Variants in SNX29 observed in about 807,000 individuals in gnomAD.
The protein encoded by SNX29 is sorting nexin-29.
A neutral mutation model predicts 102.1 loss-of-function variants in SNX29; 78 were observed. That is an observed-to-expected ratio of 0.76 (90% CI 0.64 to 0.92). The LOEUF is 0.92. SNX29 is among the 40% of genes least tolerant of loss of function. SNX29 has a pLI of 0.00. For synonymous variants in SNX29, 580 were observed against 414.5 expected, an observed-to-expected ratio of 1.40 and a Z score of -4.85; for missense variants, 1,280 against 1,061.7, an observed-to-expected ratio of 1.21 and a Z score of -2.86.
chr16:12,564,628 AAC>A (rs1470547103), intron 20 of SNX29, among the ~76,000 whole-genome samples: 4 of 150,950 alleles, frequency 2.6e-5, no homozygotes, highest in African/African-American at 5.0e-5. Flanking sequence ...TCCCAGCATT[AAC>A]AGAGTCCCTG....
intron 11 of SNX29, among the ~76,000 whole-genome samples, chr16:12,108,112 G>T (rs533115347): frequency 1.2e-4 from 18 of 152,292 alleles, no homozygotes; most frequent in African/African-American, 4.1e-4. Flanking sequence ...TATGCTACCC[G>T]AGCTGAGATG....
At position 12,568,902 on chromosome 16, in the gene SNX29, TG is replaced by T; in HGVS notation, c.*274del. 4 of 486,782 alleles carry T rather than the reference TG, an allele frequency of 8.2e-6. No homozygotes were observed. Among genetic ancestry groups the T allele is most frequent in the Non-Finnish European group, 1.1e-5 (3 of 278,382 alleles). 30.2% of individuals were successfully genotyped at this position (486,782 alleles called of 1,614,324 possible). ...GGGGTCTACCCTGGGCTGCAAGGGC[TG>T]TTCCTCCACCTTTCTGTAGTTCAGG... is the stretch of plus-strand genomic sequence containing the variant. On this transcript the variant is annotated 3_prime_UTR_variant, in exon 21 of 21. Coordinates refer to ENST00000566228, the MANE Select transcript of SNX29 (RefSeq NM_032167.5).
At chr16:12,307,360 T>G (rs932255330) in intron 15 of SNX29, among the ~76,000 whole-genome samples, 1 of 152,158 alleles carries the variant, frequency 6.6e-6, no homozygotes, top group East Asian at 1.9e-4. Context: ...CAGAGAGAAC[T>G]GTATCCTCCA....
At chr16:12,301,602 C>T (rs1166835894) in intron 15 of SNX29, among the ~76,000 whole-genome samples, 1 of 152,194 alleles carries the variant, frequency 6.6e-6, no homozygotes, top group Non-Finnish European at 1.5e-5. Flanking sequence ...ATCAGGATCC[C>T]CAGTCTTCTC....
intron 19 of SNX29, among the ~76,000 whole-genome samples, chr16:12,485,128 G>A (rs547604431): frequency 1.3e-5 from 2 of 152,220 alleles, no homozygotes; most frequent in African/African-American, 4.8e-5. Context: ...AAGGTGACTC[G>A]GGAGGTTGTT....
In SNX29 at chr16:12,571,758, T is replaced by C; in HGVS notation, c.*3129T>C. ...GAAACCTAGCCCAACCATCCACTCC[T>C]GATCTGAGACAGAACCTTCTCCGCC... On this transcript the variant is annotated 3_prime_UTR_variant, in exon 21 of 21. Coordinates refer to ENST00000566228, the MANE Select transcript of SNX29 (RefSeq NM_032167.5). The C allele has an allele frequency of 2.0e-6, 2 of 1,014,588 alleles. No homozygotes were observed. Among genetic ancestry groups the C allele is most frequent in the Non-Finnish European group, 2.4e-6 (2 of 834,200 alleles). 62.8% of individuals were successfully genotyped at this position (1,014,588 alleles called of 1,614,324 possible).
chr16:12,386,802 C>G (rs940094449), intron 16 of SNX29, among the ~76,000 whole-genome samples: 2 of 152,088 alleles, frequency 1.3e-5, no homozygotes, highest in African/African-American at 4.8e-5. Flanking sequence ...GCCTTCTTTT[C>G]CAGAAGAGAG....
chr16:12,496,373 G>T (rs1259436210), intron 19 of SNX29, among the ~76,000 whole-genome samples: 3 of 152,108 alleles, frequency 2.0e-5, no homozygotes, highest in Admixed American at 6.5e-5. Context: ...AAGCGAGGCT[G>T]GTCTTCCTCT....
intron 13 of SNX29, among the ~76,000 whole-genome samples, chr16:12,158,380 A>G (rs1346585007): frequency 1.3e-5 from 2 of 151,976 alleles, no homozygotes; most frequent in South Asian, 2.1e-4. Context: ...TTGTATTTTT[A>G]GTAGAGATGA....
intron 15 of SNX29, among the ~76,000 whole-genome samples, chr16:12,306,993 C>T (rs2151119281): frequency 6.6e-6 from 1 of 152,228 alleles, no homozygotes; most frequent in African/African-American, 2.4e-5. Context: ...TAGAGTCATC[C>T]TTTGGAGGGA....
intron 20 of SNX29, among the ~76,000 whole-genome samples, chr16:12,567,248 C>G (rs781778229): frequency 6.6e-6 from 1 of 152,064 alleles, no homozygotes. Flanking sequence ...TGGACACAGT[C>G]CTGTCTTCCC....
intron 16 of SNX29, chr16:12,373,666 C>T (rs2082770321): frequency 6.6e-6 from 1 of 152,174 alleles, no homozygotes; most frequent in African/African-American, 2.4e-5. Context: ...GCTGTGTCCC[C>T]AGCACCTGAT....
In SNX29 at chr16:12,570,233, G is replaced by T. The variant is rs11646611; in HGVS notation, c.*1604G>T. The T allele has an allele frequency of 6.6e-6, 7 of 1,064,870 alleles. No homozygotes were observed. In the African/African-American group the frequency reaches 1.1e-4, roughly 17 times the overall value. 66.0% of individuals were successfully genotyped at this position (1,064,870 alleles called of 1,614,324 possible). Reference sequence around the variant, plus strand: ...CCTGGGGCCAGATAAGCCCTGCCCCGGTGAGACCAAATGAGCTGGAGCATG... The same window carrying T: ...CCTGGGGCCAGATAAGCCCTGCCCCTGTGAGACCAAATGAGCTGGAGCATG... On this transcript the variant is annotated 3_prime_UTR_variant, in exon 21 of 21. Coordinates refer to ENST00000566228, the MANE Select transcript of SNX29 (RefSeq NM_032167.5).
intron 20 of SNX29, among the ~76,000 whole-genome samples, chr16:12,531,344 C>T (rs564112073): frequency 8.5e-5 from 13 of 152,218 alleles, no homozygotes; most frequent in Non-Finnish European, 1.8e-4. Flanking sequence ...GCTGTGCTTT[C>T]CGAAGAGCAC....
At chr16:11,997,844 G>A (rs1017023648) in intron 1 of SNX29, among the ~76,000 whole-genome samples, 2 of 152,160 alleles carry the variant, frequency 1.3e-5, no homozygotes, top group African/African-American at 4.8e-5. Flanking sequence ...GGTGTCCTCA[G>A]CTCTTAAAAC....
At chr16:12,345,245 A>G (rs1165014295) in intron 15 of SNX29, among the ~76,000 whole-genome samples, 2 of 152,212 alleles carry the variant, frequency 1.3e-5, no homozygotes, top group Non-Finnish European at 2.9e-5. Context: ...GGGGAGCCTC[A>G]TGTAACAGAT....
chr16:12,550,759 G>T (rs1337953278), intron 20 of SNX29, among the ~76,000 whole-genome samples: 6 of 151,440 alleles, frequency 4.0e-5, no homozygotes, highest in African/African-American at 9.7e-5. Context: ...TAAAATAGTT[G>T]AAAAAGTGTA....
At chr16:12,214,040 A>G (rs903015995) in intron 14 of SNX29, among the ~76,000 whole-genome samples, 1 of 152,186 alleles carries the variant, frequency 6.6e-6, no homozygotes, top group Admixed American at 6.5e-5. Context: ...CATAGCTGCA[A>G]GAGGATCCAG....
Position 12,127,704 on chromosome 16 carries a change from G to T in SNX29, c.1466+1008G>T, listed in dbSNP as rs953867679. On this transcript the variant is annotated intron_variant, in intron 12 of 20. Coordinates refer to ENST00000566228, the MANE Select transcript of SNX29 (RefSeq NM_032167.5). ...CCCAAAGTGCTAAGATTATAGACGT[G>T]AGCCACTGTGCCTGGCCTCTAGGCA... 3.9e-5 allele frequency among the ~76,000 whole-genome samples: 6 copies of T among 152,134 alleles called. No homozygotes were observed. In the East Asian group the frequency reaches 1.2e-3, roughly 29 times the overall value.
Sources: gnomAD v4.1 joint callset for allele counts (sites outside exome capture counted in the v4.1 genomes callset) on GRCh38, gnomAD v4.1.1 for gene constraint, MANE v1.5 for transcripts, NCBI Gene and HGNC (gene_info 2026-07-23, HGNC 2026-07-21) for gene names.